Variants in MGAM2 observed in about 807,000 individuals in gnomAD.
The protein encoded by MGAM2 is probable maltase-glucoamylase 2.
MGAM2 carries 98 observed loss-of-function variants against 96.1 expected under a neutral mutation model. The observed-to-expected ratio is 1.02, with a 90% CI of 0.87 to 1.21. The LOEUF is 1.21. Among genes scored for constraint, MGAM2 ranks in the 50% most tolerant of loss-of-function variants. The pLI is 0.00. For missense variants in MGAM2, 2,055 were observed against 1,182.4 expected (o/e 1.74, Z -10.82); for synonymous variants, 749 against 414.8 (o/e 1.81, Z -9.79).
intron 15 of MGAM2, among the ~76,000 whole-genome samples, chr7:142,152,326 A>G (rs1326540120): frequency 6.6e-6 from 1 of 152,234 alleles, no homozygotes; most frequent in Non-Finnish European, 1.5e-5. Context: ...ACTGCAGAGT[A>G]TAATAAACCT....
intron 31 of MGAM2, among the ~76,000 whole-genome samples, chr7:142,173,606 T>C (rs1033850228): frequency 8.5e-5 from 13 of 152,256 alleles, no homozygotes; most frequent in African/African-American, 3.1e-4. Context: ...GGTTTATTCT[T>C]TTCCAAATTT....
At chr7:142,201,616 T>A (rs905308850) in intron 45 of MGAM2, among the ~76,000 whole-genome samples, 1 of 152,236 alleles carries the variant, frequency 6.6e-6, no homozygotes, top group African/African-American at 2.4e-5. Context: ...ATAGTCAGCC[T>A]GCGGATTCAT....
At chr7:142,172,505 C>T (rs1195652467) in intron 29 of MGAM2, 147 bp from the exon 30 acceptor site, 4 of 572,258 alleles carry the variant, frequency 7.0e-6, no homozygotes, top group Admixed American at 3.2e-5. Flanking sequence ...GCAAATACAC[C>T]TCTGATTCTA....
chr7:142,199,878 A>G lies in MGAM2; in HGVS notation c.5049-2A>G. The G allele has an allele frequency of 1.8e-6, 1 of 568,566 alleles. No homozygotes were observed. The highest frequency in any genetic ancestry group is 3.1e-6 in the Non-Finnish European group (1 of 326,814). The allele number at this position is 568,566 out of a possible 1,614,324, so 35.2% of individuals were successfully genotyped here. ...AATAACTCTTTTTTTTTTTTTTGGTAGTCGACAAAATTTTATGGGATTGAT... is the reference window on the plus strand; with the variant it reads ...AATAACTCTTTTTTTTTTTTTTGGTGGTCGACAAAATTTTATGGGATTGAT... On this transcript the variant is annotated splice_acceptor_variant, in intron 44 of 47. Transcript: ENST00000477922. LOFTEE classifies it high-confidence loss of function.
chr7:142,216,411 A>G (rs1378079249), intron 46 of MGAM2, among the ~76,000 whole-genome samples: 2 of 152,098 alleles, frequency 1.3e-5, no homozygotes, highest in Admixed American at 1.3e-4. Context: ...TCAAAATTCC[A>G]TTTTTCTGAT....
rs1184840793 is a variant in MGAM2 at position 142,222,229 on chromosome 7, A to C, written c.*170A>C. The C allele has an allele frequency of 2.5e-6, 1 of 392,502 alleles. No homozygotes were observed. The highest frequency in any genetic ancestry group is 4.5e-6 in the Non-Finnish European group (1 of 222,186). 24.3% of individuals were successfully genotyped at this position (392,502 alleles called of 1,614,324 possible). ...CTACTCCAAACACTCTCGTCATTGC[A>C]GACATGTTTAGGAAGGTTTACAAAC... On this transcript the variant is annotated 3_prime_UTR_variant, in exon 48 of 48. Coordinates refer to ENST00000477922, the MANE Select transcript of MGAM2 (RefSeq NM_001293626.2).
At chr7:142,167,994 A>G (rs535491441) in intron 26 of MGAM2, among the ~76,000 whole-genome samples, 1 of 152,292 alleles carries the variant, frequency 6.6e-6, no homozygotes, top group East Asian at 1.9e-4. Context: ...AGGACCATGA[A>G]TTCCCTATAA....
At chr7:142,217,238 G>A (rs543596458) in intron 46 of MGAM2, among the ~76,000 whole-genome samples, 2 of 152,136 alleles carry the variant, frequency 1.3e-5, no homozygotes, top group African/African-American at 4.8e-5. Flanking sequence ...TCATGATTTG[G>A]TTAACTTCCT....
chr7:142,112,860 A>G (rs559871905), intron 1 of MGAM2, among the ~76,000 whole-genome samples: 1 of 152,312 alleles, frequency 6.6e-6, no homozygotes, highest in Admixed American at 6.5e-5. Context: ...ATTTAGACTA[A>G]AAGAGAGACA....
intron 32 of MGAM2, among the ~76,000 whole-genome samples, chr7:142,177,041 C>T (rs1796400642): frequency 6.6e-6 from 1 of 151,986 alleles, no homozygotes; most frequent in South Asian, 2.1e-4. Context: ...TCAGTGTGTA[C>T]ATATGTAGGT....
At chr7:142,163,039 G>A (rs1795934705) in intron 23 of MGAM2, among the ~76,000 whole-genome samples, 1 of 152,072 alleles carries the variant, frequency 6.6e-6, no homozygotes, top group African/African-American at 2.4e-5. Flanking sequence ...GAACTAAACT[G>A]CTTGCAACCT....
intron 36 of MGAM2, among the ~76,000 whole-genome samples, chr7:142,188,492 G>T (rs924264147): frequency 2.3e-4 from 35 of 151,914 alleles, no homozygotes; most frequent in Admixed American, 2.3e-3. Context: ...ACAACAAAAG[G>T]CATTATACCA....
At chr7:142,189,199 G>C (rs1192581969) in intron 36 of MGAM2, among the ~76,000 whole-genome samples, 168 bp from the exon 37 acceptor site, 1 of 152,196 alleles carries the variant, frequency 6.6e-6, no homozygotes, top group Non-Finnish European at 1.5e-5. Flanking sequence ...CCCTTCATTA[G>C]TTATAAAGAC....
intron 12 of MGAM2, among the ~76,000 whole-genome samples, chr7:142,142,358 G>A (rs1795255389): frequency 6.6e-6 from 1 of 151,862 alleles, no homozygotes; most frequent in Non-Finnish European, 1.5e-5. Context: ...CCACACTTAT[G>A]AGTCATTTCA....
chr7:142,149,044 T>C (rs1048283376), intron 15 of MGAM2, among the ~76,000 whole-genome samples: 2 of 152,056 alleles, frequency 1.3e-5, no homozygotes, highest in Non-Finnish European at 1.5e-5. Context: ...CTGGCCATCA[T>C]AGTGAAACCT....
rs538986249 is a variant in MGAM2 at position 142,148,020 on chromosome 7, C to T, written c.1634+447C>T. 2.0e-5 allele frequency among the ~76,000 whole-genome samples: 3 copies of T among 152,118 alleles called. No homozygotes were observed. The highest frequency in any genetic ancestry group is 2.1e-4 in the South Asian group (1 of 4,822). ...TTCCTTTATTTATCTGGAAATGCTA[C>T]ACCATATCCTTCTATTTCCTTCCCA... On this transcript the variant is annotated intron_variant, in intron 15 of 47. Transcript: ENST00000477922. This position sits in a 1 kb window ranked among gnomAD's most constrained non-coding sequence, Gnocchi z 4.2.
intron 23 of MGAM2, among the ~76,000 whole-genome samples, chr7:142,162,982 G>A (rs899570517): frequency 3.9e-5 from 6 of 152,146 alleles, no homozygotes; most frequent in African/African-American, 1.4e-4. Flanking sequence ...CCAATCATCT[G>A]TTCGCCATTT....
chr7:142,200,137 A>G (rs924129612), intron 45 of MGAM2, among the ~76,000 whole-genome samples, 169 bp downstream of exon 45: 1 of 152,174 alleles, frequency 6.6e-6, no homozygotes, highest in African/African-American at 2.4e-5. Context: ...ATTATACTAT[A>G]GTTAGTATAG....
chr7:142,220,108 C>T lies in MGAM2; in HGVS notation c.5597C>T (p.Pro1866Leu). The change falls in exon 48 of 48, where the codon CCA (proline) becomes CTA (leucine). Residue 1866 changes from proline to leucine, a missense_variant. Pro to Leu is a moderately conservative substitution (Grantham distance 98, BLOSUM62 -3). Coordinates refer to ENST00000477922, the MANE Select transcript of MGAM2 (RefSeq NM_001293626.2). ...DTVPITTTSF[P>L]STTSVTTNTT... ...GTTCCTATCACAACCACATCTTTCC[C>T]AAGTACTACTAGTGTTACAACTAAT... 1 of 702,930 alleles carries T rather than the reference C, an allele frequency of 1.4e-6. No homozygotes were observed. Among genetic ancestry groups the T allele is most frequent in the Non-Finnish European group, 2.6e-6 (1 of 384,944 alleles). 43.5% of individuals were successfully genotyped at this position (702,930 alleles called of 1,614,324 possible). A position where few individuals can be genotyped will look rare whatever the true frequency, so the allele number is the denominator to read the frequency against.
Sources: allele counts gnomAD v4.1 joint callset (sites outside exome capture counted in the v4.1 genomes callset), GRCh38; gene constraint gnomAD v4.1.1; non-coding constraint Gnocchi (gnomAD v3.1); transcripts MANE v1.5; gene names NCBI Gene and HGNC (gene_info 2026-07-23, HGNC 2026-07-21).